Variants in C14orf132 observed in about 807,000 individuals in gnomAD.
C14orf132 encodes the protein uncharacterized protein C14orf132.
In C14orf132, 6 loss-of-function variants were observed where a neutral mutation model predicts 5.8. That is an observed-to-expected ratio of 1.03 (90% CI 0.57 to 2.04). The LOEUF (loss-of-function observed/expected upper bound fraction) is 2.04, where lower values mean the gene tolerates loss of function less well. C14orf132 is among the 30% of genes most tolerant of loss of function. The pLI is 0.00. For synonymous variants in C14orf132, 51 were observed against 49.8 expected, an observed-to-expected ratio of 1.02 and a Z score of -0.10; for missense variants, 125 against 115.8, an observed-to-expected ratio of 1.08 and a Z score of -0.37.
chr14:96,082,229 T>C (rs1888051241), intron 1 of C14orf132, among the ~76,000 whole-genome samples: 2 of 152,164 alleles, frequency 1.3e-5, no homozygotes, highest in South Asian at 4.1e-4. Flanking sequence ...TTTCCAGCAG[T>C]GGCGTGCCAC....
At chr14:96,075,943 A>G (rs912348349) in intron 1 of C14orf132, among the ~76,000 whole-genome samples, 1 of 152,224 alleles carries the variant, frequency 6.6e-6, no homozygotes, top group Non-Finnish European at 1.5e-5. Flanking sequence ...CCATAAAATG[A>G]GTTGGAAAAT....
rs1888300587 is a variant in C14orf132 at position 96,089,095 on chromosome 14, GC to G, written c.*2361del. 6.6e-6 allele frequency: 1 copy of G among 152,194 alleles called. No individual in the cohort carries two copies. The highest frequency in any genetic ancestry group is 1.5e-5 in the Non-Finnish European group (1 of 68,076). The allele number at this position is 152,194 out of a possible 1,614,324, so 9.4% of individuals were successfully genotyped here. On this transcript the variant is annotated 3_prime_UTR_variant, in exon 2 of 2. Transcript: ENST00000555004. ...TTGGTCTCCTGTGGTTTCTTCATCA[GC>G]TTTTTTTTTACCAGCATCTCTCAAA...
chr14:96,048,682 T>C (rs1886905898), intron 1 of C14orf132, among the ~76,000 whole-genome samples: 2 of 151,904 alleles, frequency 1.3e-5, no homozygotes, highest in Non-Finnish European at 2.9e-5. Context: ...CATGCCACCA[T>C]ACCCAGCTAA....
intron 1 of C14orf132, among the ~76,000 whole-genome samples, chr14:96,079,023 C>T (rs1887957496): frequency 6.6e-6 from 1 of 152,202 alleles, no homozygotes; most frequent in Admixed American, 6.5e-5. Context: ...CAGTGTAATC[C>T]ACATAAAATA....
At chr14:96,075,683 G>A (rs1887842035) in intron 1 of C14orf132, among the ~76,000 whole-genome samples, 1 of 152,176 alleles carries the variant, frequency 6.6e-6, no homozygotes, top group South Asian at 2.1e-4. Flanking sequence ...CTACTGATAT[G>A]ATTGTTTTGT....
At chr14:96,073,814 T>TA (rs893283200) in intron 1 of C14orf132, among the ~76,000 whole-genome samples, 1 of 152,012 alleles carries the variant, frequency 6.6e-6, no homozygotes, top group East Asian at 1.9e-4. Context: ...ATAGACTGGA[T>TA]AAAAAAATGT....
chr14:96,079,682 C>A (rs75732199), intron 1 of C14orf132, among the ~76,000 whole-genome samples: 1 of 151,734 alleles, frequency 6.6e-6, no homozygotes, highest in Admixed American at 6.6e-5. Flanking sequence ...AGAGACCCTG[C>A]GAGAATTTAG....
At position 96,084,728 on chromosome 14, in the gene C14orf132, G is replaced by A. The variant is rs551941306; in HGVS notation, c.28-1783G>A. Among the ~76,000 whole-genome samples, 4 of 152,272 alleles carry A rather than the reference G, an allele frequency of 2.6e-5. No individual in the cohort carries two copies. The East Asian group carries it at 7.7e-4, about 29-fold the overall frequency. On this transcript the variant is annotated intron_variant, in intron 1 of 1. Coordinates refer to ENST00000555004, the MANE Select transcript of C14orf132 (RefSeq NM_001252507.3). ...CAGCCCCCACTCAGAAATTGCACCT[G>A]GCCTGCCCTGAGCCCCATAGCAGTC...
At chr14:96,062,773 C>T (rs1431379833) in intron 1 of C14orf132, among the ~76,000 whole-genome samples, 1 of 152,202 alleles carries the variant, frequency 6.6e-6, no homozygotes, top group Non-Finnish European at 1.5e-5. Flanking sequence ...GCTGTCTTCA[C>T]TCCTGGGCTG....
intron 1 of C14orf132, among the ~76,000 whole-genome samples, chr14:96,046,994 A>G (rs1886847690): frequency 6.6e-6 from 1 of 152,212 alleles, no homozygotes. Context: ...TGCCCAGAAA[A>G]ATAGAATTCT....
chr14:96,069,639 A>G (rs1343082674), intron 1 of C14orf132, among the ~76,000 whole-genome samples: 1 of 151,438 alleles, frequency 6.6e-6, no homozygotes, highest in Non-Finnish European at 1.5e-5. Context: ...AGCCTCCTGC[A>G]CTGGCTTCAA....
rs181632094 is a variant in C14orf132, at chr14:96,054,032, G to A, written c.27+14505G>A. On this transcript the variant is annotated intron_variant, in intron 1 of 1. Transcript: ENST00000555004. ...TGGTGGAAGGCCTTAATAAATGCCC[G>A]CAGTGAGCATAATGACCCCTCAGTT... Among the ~76,000 whole-genome samples the A allele has an allele frequency of 1.7e-4, 26 of 152,260 alleles. 1 individual carries two copies. The highest frequency in any genetic ancestry group is 4.6e-4 in the African/African-American group (19 of 41,556).
chr14:96,086,980 G>T lies in C14orf132; in HGVS notation c.*245G>T, dbSNP rs1036861899. 5 of 548,788 alleles carry T rather than the reference G, an allele frequency of 9.1e-6. No homozygotes were observed. Among genetic ancestry groups the T allele is most frequent in the Non-Finnish European group, 1.6e-5 (5 of 308,786 alleles). The allele number at this position is 548,788 out of a possible 1,614,324, so 34.0% of individuals were successfully genotyped here. The stretch of plus-strand genomic sequence containing the variant: ...CATGACGGGGCAAGGCCTTCAGAGG[G>T]CAGATTGGGGATCCTTGAAACTACA... On this transcript the variant is annotated 3_prime_UTR_variant, in exon 2 of 2. Coordinates refer to ENST00000555004, the MANE Select transcript of C14orf132 (RefSeq NM_001252507.3).
chr14:96,063,097 C>T (rs897565958), intron 1 of C14orf132, among the ~76,000 whole-genome samples: 2 of 152,082 alleles, frequency 1.3e-5, no homozygotes, highest in Non-Finnish European at 2.9e-5. Context: ...AGGCAGGGAT[C>T]GTCATATCTG....
intron 1 of C14orf132, among the ~76,000 whole-genome samples, chr14:96,065,036 T>C (rs931825047): frequency 1.3e-5 from 2 of 152,130 alleles, no homozygotes; most frequent in Admixed American, 1.3e-4. Flanking sequence ...CTTCCTCCCA[T>C]ACATAGGTAG....
Position 96,056,198 on chromosome 14 carries a change from T to C in C14orf132, c.27+16671T>C, listed in dbSNP as rs561269660. Among the ~76,000 whole-genome samples, 35 of 152,332 alleles carry C rather than the reference T, an allele frequency of 2.3e-4. 1 individual carries two copies. The South Asian group carries it at 7.0e-3, about 31-fold the overall frequency. ...GAAAAAGCAAGACAATTTGCAAGCC[T>C]CTTGCAGCTCACTCAGCATGCTGGT... On this transcript the variant is annotated intron_variant, in intron 1 of 1. Transcript: ENST00000555004.
chr14:96,062,957 A>G (rs1275769582), intron 1 of C14orf132, among the ~76,000 whole-genome samples: 1 of 152,192 alleles, frequency 6.6e-6, no homozygotes, highest in African/African-American at 2.4e-5. Flanking sequence ...GCTATGTGCA[A>G]AACACTGAGG....
rs926497565 is a variant in C14orf132 at position 96,092,452 on chromosome 14, G to C, written c.*5717G>C. 1 of 152,154 alleles carries C rather than the reference G, an allele frequency of 6.6e-6. No individual in the cohort carries two copies. The allele number at this position is 152,154 out of a possible 1,614,324, so 9.4% of individuals were successfully genotyped here. A position where few individuals can be genotyped will look rare whatever the true frequency, so the allele number is the denominator to read the frequency against. On this transcript the variant is annotated 3_prime_UTR_variant, in exon 2 of 2. Transcript: ENST00000555004. ...GGGAATTTGCAGGCCTCGATTATTGGGGGAATCAGAGCCCATTCCACACCG... is the reference window on the plus strand; with the variant it reads ...GGGAATTTGCAGGCCTCGATTATTGCGGGAATCAGAGCCCATTCCACACCG...
At chr14:96,060,628 C>T (rs149445135) in intron 1 of C14orf132, among the ~76,000 whole-genome samples, 37 of 152,294 alleles carry the variant, frequency 2.4e-4, no homozygotes, top group African/African-American at 8.9e-4. Flanking sequence ...CTTTGCCTCA[C>T]CCATTCACTT....
Sources: allele counts gnomAD v4.1 joint callset (sites outside exome capture counted in the v4.1 genomes callset), GRCh38; gene constraint gnomAD v4.1.1; transcripts MANE v1.5; gene names NCBI Gene and HGNC (gene_info 2026-07-23, HGNC 2026-07-21).